Variants in MYO1D observed in about 807,000 individuals in gnomAD.
The protein encoded by MYO1D is myosin ID.
Under a neutral mutation model 122.0 loss-of-function variants are expected in MYO1D, and 83 were observed. The ratio of observed to expected loss-of-function variants is 0.68; its 90% CI spans 0.57 to 0.82. The LOEUF is 0.82. Among genes scored for constraint, MYO1D ranks in the 40% least tolerant of loss-of-function variants. The pLI, the probability that MYO1D is intolerant of heterozygous loss-of-function variation, is 0.00. For synonymous variants in MYO1D, 464 were observed against 446.9 expected, an observed-to-expected ratio of 1.04 and a Z score of -0.48; for missense variants, 1,157 against 1,269.5, an observed-to-expected ratio of 0.91 and a Z score of 1.35.
intron 21 of MYO1D, among the ~76,000 whole-genome samples, chr17:32,533,139 CA>C (rs1410111529): frequency 6.6e-6 from 1 of 152,142 alleles, no homozygotes; most frequent in African/African-American, 2.4e-5. Context: ...AGATCTATGG[CA>C]AAATGAAACT....
At chr17:32,659,008 C>A in intron 17 of MYO1D, 107 bp downstream of exon 17, 1 of 1,077,960 alleles carries the variant, frequency 9.3e-7, no homozygotes, top group South Asian at 1.5e-5. Flanking sequence ...AGGTAAATGT[C>A]ATAACAGCAA....
chr17:32,694,707 CAAAAAA>C (rs58606294), intron 16 of MYO1D, among the ~76,000 whole-genome samples: 1 of 55,914 alleles, frequency 1.8e-5, no homozygotes, highest in African/African-American at 7.5e-5. Context: ...GACTCCGTCT[CAAAAAA>C]AAAAAAAAAA....
At chr17:32,596,202 A>T (rs1451201623) in intron 21 of MYO1D, among the ~76,000 whole-genome samples, 1 of 152,246 alleles carries the variant, frequency 6.6e-6, no homozygotes, top group East Asian at 1.9e-4. Context: ...TCGACATGGC[A>T]TACCTTTATT....
rs537544273 is a variant in MYO1D, at chr17:32,552,028, G to A, written c.2864+53059C>T. ...TTAAAATAAACTATCCATAGCTAAT[G>A]TCTTCTCCCTCATCGTACTTTGCAG... On this transcript the variant is annotated intron_variant, in intron 21 of 21. Transcript: ENST00000318217. 3.3e-5 allele frequency among the ~76,000 whole-genome samples: 5 copies of A among 152,296 alleles called. No homozygotes were observed. The South Asian group carries it at 1.0e-3, about 32-fold the overall frequency.
chr17:32,654,557 C>G lies in MYO1D; in HGVS notation c.2410G>C (p.Val804Leu), dbSNP rs2088447954. 5.0e-6 allele frequency: 8 copies of G among 1,613,996 alleles called. No homozygotes were observed. The Admixed American group carries it at 6.7e-5, about 13-fold the overall frequency. The stretch of plus-strand genomic sequence containing the variant: ...CCCTTCAACATTTCCACGGCTGCAA[C>G]CTTTGCCCTGACCTGGGGCAGGTCT... ...ASDLPQVRAKVAAVEMLKGQR... is the reference protein window; with the variant it reads ...ASDLPQVRAKLAAVEMLKGQR... The change falls in exon 18 of 22, where the codon GTT (valine) becomes CTT (leucine). Residue 804 changes from valine to leucine, a missense_variant. Physicochemically the swap from Val to Leu is conservative, Grantham distance 32 (BLOSUM62 1). Transcript: ENST00000318217.
At chr17:32,722,162 A>G (rs2089519675) in intron 14 of MYO1D, among the ~76,000 whole-genome samples, 1 of 152,238 alleles carries the variant, frequency 6.6e-6, no homozygotes, top group Admixed American at 6.5e-5. Context: ...ACACCTAAAA[A>G]AAGAAACTCC....
rs182428036 is a variant in MYO1D, at chr17:32,585,685, G to A, written c.2864+19402C>T. On this transcript the variant is annotated intron_variant, in intron 21 of 21. Coordinates refer to ENST00000318217, the MANE Select transcript of MYO1D (RefSeq NM_015194.3). ...GCGGAGGTTGCAGTGAGCTGAGATC[G>A]CGCCACTGCACTCCAGCACTCCAGT... Among the ~76,000 whole-genome samples the A allele has an allele frequency of 1.9e-3, 284 of 149,612 alleles. 5 individuals carry two copies. The highest frequency in any genetic ancestry group is 0.017 in the Middle Eastern group (5 of 288).
At chr17:32,722,636 AGCCTTAT>A (rs1402952370) in intron 14 of MYO1D, among the ~76,000 whole-genome samples, 3 of 152,216 alleles carry the variant, frequency 2.0e-5, no homozygotes, top group Admixed American at 6.5e-5. Context: ...ATTTATTAGT[AGCCTTAT>A]CTCCATCTGC....
At chr17:32,821,142 T>C (rs2090658393) in intron 1 of MYO1D, among the ~76,000 whole-genome samples, 1 of 152,228 alleles carries the variant, frequency 6.6e-6, no homozygotes, top group Non-Finnish European at 1.5e-5. Context: ...TTTCTGTTCC[T>C]GTGTTAGTCT....
At chr17:32,782,599 A>C (rs2090250028) in intron 1 of MYO1D, among the ~76,000 whole-genome samples, 1 of 152,238 alleles carries the variant, frequency 6.6e-6, no homozygotes, top group South Asian at 2.1e-4. Context: ...CTGAAATCAC[A>C]ACAATCCTTA....
At chr17:32,529,835 G>A (rs889732271) in intron 21 of MYO1D, 2 of 152,202 alleles carry the variant, frequency 1.3e-5, no homozygotes, top group African/African-American at 4.8e-5. Context: ...TCCTCACCGT[G>A]GGGGAGGCCC....
At chr17:32,614,925 G>T (rs1006822629) in intron 20 of MYO1D, among the ~76,000 whole-genome samples, 9 of 152,250 alleles carry the variant, frequency 5.9e-5, no homozygotes, top group African/African-American at 1.9e-4. Flanking sequence ...AGTGTATGAG[G>T]GCTCCAGTGA....
chr17:32,768,988 C>T (rs1029293697), intron 6 of MYO1D, among the ~76,000 whole-genome samples: 1 of 152,206 alleles, frequency 6.6e-6, no homozygotes, highest in Non-Finnish European at 1.5e-5. Flanking sequence ...TTGTTTACTC[C>T]TCTCTAAGTG....
intron 1 of MYO1D, among the ~76,000 whole-genome samples, chr17:32,784,736 C>G (rs1212222240): frequency 4.6e-5 from 7 of 151,880 alleles, no homozygotes; most frequent in Admixed American, 4.6e-4. Context: ...ATAGGACAAT[C>G]TATAGTAGGA....
At chr17:32,695,900 T>G (rs1043091119) in intron 16 of MYO1D, among the ~76,000 whole-genome samples, 1 of 152,210 alleles carries the variant, frequency 6.6e-6, no homozygotes. Flanking sequence ...GTTCTCAAAG[T>G]GTGGTTGGGG....
At position 32,638,744 on chromosome 17, in the gene MYO1D, A is replaced by T; in HGVS notation, c.2687T>A (p.Met896Lys). ...KMDPTKQYKVMKTIPLYNLTG... is the reference protein window; with the variant it reads ...KMDPTKQYKVKKTIPLYNLTG... ...TACATTGTATAGAGGGATAGTCTTC[A>T]TCACCTTGTACTGTTTAGTGGGATC... Residue 896 changes from methionine to lysine, a missense_variant, in exon 20 of 22, where the codon ATG becomes AAG. Met to Lys is a moderately conservative substitution (Grantham distance 95). Coordinates refer to ENST00000318217, the MANE Select transcript of MYO1D (RefSeq NM_015194.3). 1 of 1,613,412 alleles carries T rather than the reference A, an allele frequency of 6.2e-7. No individual in the cohort carries two copies. Among genetic ancestry groups the T allele is most frequent in the Non-Finnish European group, 8.5e-7 (1 of 1,179,450 alleles).
chr17:32,775,387 T>C (rs1461227394), intron 4 of MYO1D, among the ~76,000 whole-genome samples: 2 of 152,164 alleles, frequency 1.3e-5, no homozygotes, highest in African/African-American at 4.8e-5. Flanking sequence ...ATTGGGCCTA[T>C]TTTAAGTTTT....
intron 16 of MYO1D, among the ~76,000 whole-genome samples, chr17:32,667,131 A>C (rs1181746202): frequency 6.6e-6 from 1 of 152,218 alleles, no homozygotes; most frequent in African/African-American, 2.4e-5. Context: ...ATGAACTCTG[A>C]GCAAATTATA....
chr17:32,760,451 A>C (rs762915238), intron 9 of MYO1D, 31 bp downstream of exon 9: 10 of 1,606,224 alleles, frequency 6.2e-6, no homozygotes, highest in African/African-American at 1.3e-5. Flanking sequence ...GAAAACAGGC[A>C]ACAAGGTTTT....
Sources: allele counts gnomAD v4.1 joint callset (sites outside exome capture counted in the v4.1 genomes callset), GRCh38; gene constraint gnomAD v4.1.1; transcripts MANE v1.5; gene names NCBI Gene and HGNC (gene_info 2026-07-23, HGNC 2026-07-21).